Variants in OMA1 observed in about 807,000 individuals in gnomAD.
OMA1 encodes metalloendopeptidase OMA1, mitochondrial.
In OMA1, 38 loss-of-function variants were observed where a neutral mutation model predicts 30.9. The observed-to-expected ratio is 1.23, with a 90% CI of 0.95 to 1.61. The LOEUF (loss-of-function observed/expected upper bound fraction) is 1.61, where lower values mean the gene tolerates loss of function less well. Ranked by LOEUF, OMA1 falls within the 40% of genes most tolerant of loss-of-function variation. The probability of loss-of-function intolerance (pLI) is 0.00; values close to 1 mark genes in which losing one functional copy is unlikely to be tolerated. For missense variants in OMA1, 461 were observed against 349.2 expected (o/e 1.32, Z -2.55); for synonymous variants, 173 against 121.9 (o/e 1.42, Z -2.76).
intron 7 of OMA1, 95 bp downstream of exon 7, chr1:58,527,166 C>A (rs1646364919): frequency 3.9e-6 from 3 of 767,970 alleles, no homozygotes; most frequent in Non-Finnish European, 7.1e-6. Flanking sequence ...GTCCAACTCT[C>A]ATTCTCTGCT....
chr1:58,541,178 C>T (rs949790753), intron 1 of OMA1, among the ~76,000 whole-genome samples: 4 of 151,436 alleles, frequency 2.6e-5, no homozygotes, highest in African/African-American at 9.7e-5. Flanking sequence ...CCTGTAATCC[C>T]AGCTACTCAG....
chr1:58,538,707 A>T, intron 2 of OMA1, 88 bp downstream of exon 2: 1 of 597,308 alleles, frequency 1.7e-6, no homozygotes, highest in Non-Finnish European at 2.9e-6. Context: ...ATAAATAAAA[A>T]AATTAATTTC....
At chr1:58,531,656 T>C (rs1369071668) in intron 5 of OMA1, among the ~76,000 whole-genome samples, 1 of 152,154 alleles carries the variant, frequency 6.6e-6, no homozygotes, top group East Asian at 1.9e-4. Flanking sequence ...TCCTTATATT[T>C]GCCTCATTAC....
At chr1:58,533,229 A>G (rs567129540) in intron 5 of OMA1, among the ~76,000 whole-genome samples, 1 of 152,238 alleles carries the variant, frequency 6.6e-6, no homozygotes, top group Non-Finnish European at 1.5e-5. Context: ...TCTATGATCT[A>G]TAAGAAAAGC....
chr1:58,539,785 C>T (rs1646575682), intron 1 of OMA1, among the ~76,000 whole-genome samples: 1 of 152,114 alleles, frequency 6.6e-6, no homozygotes, highest in Admixed American at 6.5e-5. Flanking sequence ...AGCTTATTGC[C>T]TGGAGAGTGC....
intron 8 of OMA1, among the ~76,000 whole-genome samples, chr1:58,502,999 A>T (rs1366401858): frequency 6.6e-6 from 1 of 152,106 alleles, no homozygotes; most frequent in African/African-American, 2.4e-5. Flanking sequence ...TTTTCTTCCT[A>T]CTCACTAATC....
rs201662596 is a variant in OMA1, at chr1:58,485,225, T to C, written c.1366-4051A>G. Among the ~76,000 whole-genome samples, 111 of 25,064 alleles carry C rather than the reference T, an allele frequency of 4.4e-3. 6 individuals are homozygous for C. In the East Asian group the frequency reaches 0.11, roughly 25 times the overall value. The allele number at this position is 25,064 out of a possible 152,430, so 16.4% of individuals were successfully genotyped here. A position where few individuals can be genotyped will look rare whatever the true frequency, so the allele number is the denominator to read the frequency against. ...AGAGTCTAAAAATAAAAGAGTCTACTACTAAAAAAAAAAAAAAAAAAAAAA... is the reference window on the plus strand; with the variant it reads ...AGAGTCTAAAAATAAAAGAGTCTACCACTAAAAAAAAAAAAAAAAAAAAAA... On this transcript the variant is annotated intron_variant, in intron 8 of 8. Transcript: ENST00000371226.
At chr1:58,517,758 G>A (rs555584621) in intron 7 of OMA1, among the ~76,000 whole-genome samples, 25 of 152,192 alleles carry the variant, frequency 1.6e-4, no homozygotes, top group African/African-American at 5.8e-4. Context: ...CTAGCACCTA[G>A]GTCTGTAAGA....
chr1:58,546,227 G>A (rs981028724), intron 1 of OMA1, among the ~76,000 whole-genome samples: 1 of 152,242 alleles, frequency 6.6e-6, no homozygotes, highest in African/African-American at 2.4e-5. Flanking sequence ...AGTTTCTCCT[G>A]AAGAGGGAAG....
chr1:58,502,170 TA>T (rs958798943), intron 8 of OMA1, among the ~76,000 whole-genome samples: 1 of 152,064 alleles, frequency 6.6e-6, no homozygotes, highest in Non-Finnish European at 1.5e-5. Context: ...CAATAAGAAA[TA>T]AAAATATACA....
At chr1:58,499,376 T>A (rs191292880) in intron 8 of OMA1, among the ~76,000 whole-genome samples, 1 of 147,202 alleles carries the variant, frequency 6.8e-6, no homozygotes, top group Admixed American at 6.8e-5. Context: ...TCCTAGCTAC[T>A]CTGGAGGCTG....
At position 58,533,988 on chromosome 1, in the gene OMA1, C is replaced by T. The variant is rs1289398070; in HGVS notation, c.976G>A (p.Gly326Ser). The T allele has an allele frequency of 1.1e-6, 1 of 870,950 alleles. No homozygotes were observed. Among genetic ancestry groups the T allele is most frequent in the Non-Finnish European group, 2.0e-6 (1 of 501,288 alleles). 54.0% of individuals were successfully genotyped at this position (870,950 alleles called of 1,614,324 possible). Residue 326 changes from glycine to serine, a missense_variant, in exon 5 of 9, where the codon GGC (glycine) becomes AGC (serine). By Grantham distance (56) the Gly-to-Ser change is moderately conservative. Coordinates refer to ENST00000371226, the MANE Select transcript of OMA1 (RefSeq NM_145243.5). ...AGTACTGCATGTGCTATTTCATGGC[C>T]CAGAAGGAAAGAAAGTTGATGAATA... is the stretch of plus-strand genomic sequence containing the variant. ...TDIHQLSFLL[G>S]HEIAHAVLGH... is the part of the protein sequence containing the mutation.
chr1:58,527,855 A>C (rs1557454382), intron 6 of OMA1, among the ~76,000 whole-genome samples: 1 of 152,218 alleles, frequency 6.6e-6, no homozygotes, highest in East Asian at 1.9e-4. Context: ...TTAGTTGGGA[A>C]AATGAAATTT....
chr1:58,540,682 T>C (rs1432599361), intron 1 of OMA1, among the ~76,000 whole-genome samples: 1 of 146,766 alleles, frequency 6.8e-6, no homozygotes, highest in Non-Finnish European at 1.5e-5. Context: ...ATAGAAACCA[T>C]CTAAAATGAA....
intron 3 of OMA1, among the ~76,000 whole-genome samples, chr1:58,535,180 C>T (rs1387452862): frequency 6.6e-6 from 1 of 152,176 alleles, no homozygotes; most frequent in East Asian, 1.9e-4. Context: ...CTGATTAAGA[C>T]TAGCCACCAC....
chr1:58,488,725 C>A (rs1450396782), intron 8 of OMA1, among the ~76,000 whole-genome samples: 2 of 152,208 alleles, frequency 1.3e-5, no homozygotes, highest in African/African-American at 2.4e-5. Flanking sequence ...GCTGGGATTA[C>A]AGGCGTGAGC....
intron 7 of OMA1, among the ~76,000 whole-genome samples, chr1:58,518,567 T>C (rs887115143): frequency 6.6e-6 from 1 of 151,706 alleles, no homozygotes; most frequent in Admixed American, 6.6e-5. Flanking sequence ...ATATATTTTA[T>C]AGATAGAACT....
At chr1:58,536,871 C>T (rs1054640634) in intron 2 of OMA1, 130 bp from the exon 3 acceptor site, 15 of 587,434 alleles carry the variant, frequency 2.6e-5, no homozygotes, top group African/African-American at 5.7e-5. Context: ...CTGAATACAT[C>T]GCTTTTCCAA....
At chr1:58,523,546 G>A (rs372418763) in intron 7 of OMA1, among the ~76,000 whole-genome samples, 5 of 152,126 alleles carry the variant, frequency 3.3e-5, no homozygotes. Context: ...CCATTTGGAC[G>A]CCTTCAGTGT....
Sources: allele counts gnomAD v4.1 joint callset (sites outside exome capture counted in the v4.1 genomes callset), GRCh38; gene constraint gnomAD v4.1.1; transcripts MANE v1.5; gene names NCBI Gene and HGNC (gene_info 2026-07-23, HGNC 2026-07-21).